AP3B2: variants seen among roughly 807,000 people sequenced by gnomAD.
AP3B2 encodes the protein AP-3 complex subunit beta-2.
A neutral mutation model predicts 126.9 loss-of-function variants in AP3B2; 50 were observed. The ratio of observed to expected loss-of-function variants is 0.39; its 90% CI spans 0.31 to 0.50. The LOEUF is 0.50. Among genes scored for constraint, AP3B2 ranks in the 20% least tolerant of loss-of-function variants. The pLI is 0.79. For missense variants in AP3B2, 1,177 were observed against 1,426.4 expected (o/e 0.83, Z 2.82); for synonymous variants, 541 against 565.0 (o/e 0.96, Z 0.60).
chr15:82,690,954 A>ACAGGCATGAGCCACGCTGGGATTC, intron 1 of AP3B2, among the ~76,000 whole-genome samples: 1 of 152,126 alleles, frequency 6.6e-6, no homozygotes, highest in African/African-American at 2.4e-5. Flanking sequence ...CGCTGGGATT[A>ACAGGCATGAGCCACGCTGGGATTC]CAGGCATGAG....
At chr15:82,689,571 C>T (rs1017072328) in intron 1 of AP3B2, 118 bp from the exon 2 acceptor site, 26 of 865,822 alleles carry the variant, frequency 3.0e-5, no homozygotes, top group African/African-American at 8.4e-5. Context: ...GGACCTGACC[C>T]GAGGAGGGAC....
Position 82,664,105 on chromosome 15 carries a change from C to G in AP3B2, c.2262-130G>C. The G allele has an allele frequency of 1.4e-6, 2 of 1,419,194 alleles. No individual in the cohort carries two copies. Among genetic ancestry groups the G allele is most frequent in the Non-Finnish European group, 1.9e-6 (2 of 1,078,290 alleles). 87.9% of individuals were successfully genotyped at this position (1,419,194 alleles called of 1,614,324 possible). On this transcript the variant is annotated intron_variant, in intron 19 of 26. Coordinates refer to ENST00000535359, the MANE Select transcript of AP3B2 (RefSeq NM_001278512.2). This position sits in a 1 kb window ranked among gnomAD's most constrained non-coding sequence, Gnocchi z 4.5. ...AGCCAGGAGGGTTCACACCTGAGGT[C>G]CTATAGCAGGGACCCCGTGAGAGCT...
chr15:82,707,683 G>A (rs1480066460), intron 1 of AP3B2, among the ~76,000 whole-genome samples: 2 of 152,146 alleles, frequency 1.3e-5, no homozygotes, highest in African/African-American at 2.4e-5. Context: ...TGGATGTCCT[G>A]GGTCCTCCCA....
rs768110413 is a variant in AP3B2, at chr15:82,659,971, C to T, written c.3029G>A (p.Gly1010Asp). The T allele has an allele frequency of 6.2e-7, 1 of 1,613,838 alleles. No homozygotes were observed. The highest frequency in any genetic ancestry group is 8.5e-7 in the Non-Finnish European group (1 of 1,179,840). The change falls in exon 26 of 27, where the codon GGC (glycine) becomes GAC (aspartate). Residue 1010 changes from glycine (G) to aspartate (D), a missense_variant. This residue lies in a region of AP3B2 where 587 missense variants were observed against 571.3 expected (regional missense o/e 1.03). Coordinates refer to ENST00000535359, the MANE Select transcript of AP3B2 (RefSeq NM_001278512.2). ...EFKKEQGKLMGMNEITEKLML... is the reference protein window; with the variant it reads ...EFKKEQGKLMDMNEITEKLML... ...GAGTTTCTCTGTGATCTCATTCATG[C>T]CCATCAGCTTTCCTGGGGGTAGAGG...
intron 14 of AP3B2, 119 bp downstream of exon 14, chr15:82,676,342 G>T: frequency 9.1e-7 from 1 of 1,095,330 alleles, no homozygotes; most frequent in Non-Finnish European, 1.3e-6. Flanking sequence ...CACCTTCCCT[G>T]ATTCTTCTTT....
Position 82,664,998 on chromosome 15 carries a change from G to C in AP3B2, c.2029-55C>G. 7.4e-7 allele frequency: 1 copy of C among 1,351,634 alleles called. No individual in the cohort carries two copies. Among genetic ancestry groups the C allele is most frequent in the African/African-American group, 1.4e-5 (1 of 69,312 alleles). 83.7% of individuals were successfully genotyped at this position (1,351,634 alleles called of 1,614,324 possible). ...TTCATCATGGTTGGGGAGAAGGCAG[G>C]CAGGCACAAGCCCTTACCCTTTATT... On this transcript the variant is annotated intron_variant, in intron 17 of 26. Transcript: ENST00000535359. This position sits in a 1 kb window ranked among gnomAD's most constrained non-coding sequence, Gnocchi z 4.5.
chr15:82,688,435 A>G (rs2048468477), intron 4 of AP3B2: 1 of 701,976 alleles, frequency 1.4e-6, no homozygotes, highest in Non-Finnish European at 2.6e-6. Context: ...CTCCATTGCT[A>G]GAGACTCTCC....
Position 82,664,111 on chromosome 15 carries a change from G to A in AP3B2, c.2262-136C>T. 1 of 1,403,314 alleles carries A rather than the reference G, an allele frequency of 7.1e-7. No homozygotes were observed. Among genetic ancestry groups the A allele is most frequent in the Non-Finnish European group, 9.4e-7 (1 of 1,064,404 alleles). The allele number at this position is 1,403,314 out of a possible 1,614,324, so 86.9% of individuals were successfully genotyped here. On this transcript the variant is annotated intron_variant, in intron 19 of 26. Transcript: ENST00000535359. The surrounding 1 kb of genome is among the most constrained non-coding windows in gnomAD (Gnocchi z 4.5). ...GAGGGTTCACACCTGAGGTCCTATA[G>A]CAGGGACCCCGTGAGAGCTTGAAGC...
At chr15:82,691,960 C>T (rs1391563778) in intron 1 of AP3B2, 4 of 1,423,808 alleles carry the variant, frequency 2.8e-6, no homozygotes, top group Non-Finnish European at 3.9e-6. Context: ...CACCGTCCTT[C>T]TGCACATCGG....
chr15:82,707,423 A>G (rs1792206089), intron 1 of AP3B2, among the ~76,000 whole-genome samples: 2 of 152,170 alleles, frequency 1.3e-5, no homozygotes, highest in South Asian at 4.1e-4. Flanking sequence ...CACCAGACCA[A>G]CTTGGACTGT....
In AP3B2 at chr15:82,681,499, G is replaced by A. The variant is rs759230363; in HGVS notation, c.442C>T (p.Leu148=). ...RVPIIVPIMM[L]AIKEAASDMS... is the part of the protein sequence containing the mutation. ...TCCGAGGCGGCTTCCTTGATAGCTA[G>A]CATCATGATGGGCACTATGATGGGC... Residue 148 remains leucine (L), a synonymous_variant, in exon 5 of 27, where the codon CTA becomes TTA. Transcript: ENST00000535359. This position sits in a 1 kb window ranked among gnomAD's most constrained non-coding sequence, Gnocchi z 4.0. 8.1e-6 allele frequency: 13 copies of A among 1,613,848 alleles called. No individual in the cohort carries two copies. The South Asian group carries it at 1.2e-4, about 15-fold the overall frequency.
chr15:82,688,392 C>T (rs1435854032), intron 4 of AP3B2: 5 of 701,862 alleles, frequency 7.1e-6, no homozygotes, highest in Non-Finnish European at 1.3e-5. Context: ...CAATTCACAC[C>T]TTTACACAAA....
intron 1 of AP3B2, among the ~76,000 whole-genome samples, chr15:82,707,787 C>A (rs960102331): frequency 9.9e-5 from 15 of 152,242 alleles, no homozygotes; most frequent in African/African-American, 3.6e-4. Flanking sequence ...CACCAATAAT[C>A]CTATACAACA....
rs867882597 is a variant in AP3B2, at chr15:82,700,768, T to C, written c.113+8826A>G. On this transcript the variant is annotated intron_variant, in intron 1 of 26. Transcript: ENST00000535359. ...GTCCCCATTCCCAGCCTTGCCCTTA[T>C]GGCTTCACCACCTGGTTCCCGAAAA... Among the ~76,000 whole-genome samples the C allele has an allele frequency of 2.6e-5, 4 of 152,270 alleles. No individual in the cohort carries two copies. The South Asian group carries it at 8.3e-4, about 32-fold the overall frequency.
In AP3B2 at chr15:82,680,181, C is replaced by T. The variant is rs753401017; in HGVS notation, c.1104G>A (p.Lys368=). 4 of 1,613,474 alleles carry T rather than the reference C, an allele frequency of 2.5e-6. No individual in the cohort carries two copies. In the Admixed American group the frequency reaches 5.0e-5, roughly 20 times the overall value. ...VLQNVATMSI[K]RRGMFEPYLK... Reference sequence around the variant, plus strand: ...CCCGCCGTCGCAGGCTCACCCGGCGCTTGATGGACATGGTGGCCACGTTCT... The same window carrying T: ...CCCGCCGTCGCAGGCTCACCCGGCGTTTGATGGACATGGTGGCCACGTTCT... Residue 368 remains lysine (K), a synonymous_variant, in exon 9 of 27, where the codon AAG becomes AAA. Transcript: ENST00000535359. This position sits in a 1 kb window ranked among gnomAD's most constrained non-coding sequence, Gnocchi z 6.1.
Position 82,709,635 on chromosome 15 carries a change from G to C in AP3B2, c.72C>G (p.His24Gln). 1 of 1,520,000 alleles carries C rather than the reference G, an allele frequency of 6.6e-7. No homozygotes were observed. The highest frequency in any genetic ancestry group is 2.7e-5 in the East Asian group (1 of 37,304). The allele number at this position is 1,520,000 out of a possible 1,614,324, so 94.2% of individuals were successfully genotyped here. Residue 24 changes from histidine (H) to glutamine (Q), a missense_variant, in exon 1 of 27, where the codon CAC becomes CAG. Coordinates refer to ENST00000535359, the MANE Select transcript of AP3B2 (RefSeq NM_001278512.2). ...AGAAGATGCCGCCGCTCGCGGGGTC[G>C]TGGCCGTACTCGGGCTCCCCGGGGC... ...SAGPGEPEYG[H>Q]DPASGGIFSS...
At chr15:82,696,975 C>CT (rs1385553414) in intron 1 of AP3B2, among the ~76,000 whole-genome samples, 1 of 152,192 alleles carries the variant, frequency 6.6e-6, no homozygotes, top group Non-Finnish European at 1.5e-5. Flanking sequence ...AGATGACACT[C>CT]TGATAACCCA....
rs777170994 is a variant in AP3B2 at position 82,661,942 on chromosome 15, A to T, written c.2919-20T>A. The T allele has an allele frequency of 6.2e-7, 1 of 1,603,778 alleles. No homozygotes were observed. Among genetic ancestry groups the T allele is most frequent in the East Asian group, 2.2e-5 (1 of 44,818 alleles). On this transcript the variant is annotated intron_variant, in intron 24 of 26. Transcript: ENST00000535359. ...TGGGTGCTGGGAGGGGTGGGAGGAA[A>T]CGGAGAAGAATTAAGGCTGTCATCT...
Position 82,689,388 on chromosome 15 carries a change from C to T in AP3B2, c.179G>A (p.Arg60Lys). Reference sequence around the variant, plus strand: ...TCCTTCCCCTCTTACCGCCACAATCCTCTTCATGGCCTCCAGCTTGAGAGA... The same window carrying T: ...TCCTTCCCCTCTTACCGCCACAATCTTCTTCATGGCCTCCAGCTTGAGAGA... The part of the protein sequence containing the change: ...KDSLKLEAMK[R>K]IVAMIARGKN... Residue 60 changes from arginine (R) to lysine (K), a missense_variant, in exon 2 of 27, where the codon AGG becomes AAG. Physicochemically the swap from Arg to Lys is conservative, Grantham distance 26. Coordinates refer to ENST00000535359, the MANE Select transcript of AP3B2 (RefSeq NM_001278512.2). 6.2e-7 allele frequency: 1 copy of T among 1,613,942 alleles called. No homozygotes were observed. Among genetic ancestry groups the T allele is most frequent in the Non-Finnish European group, 8.5e-7 (1 of 1,179,886 alleles).
Sources: allele counts gnomAD v4.1 joint callset (sites outside exome capture counted in the v4.1 genomes callset), GRCh38; gene constraint gnomAD v4.1.1; regional missense constraint gnomAD v4.1.1; non-coding constraint Gnocchi (gnomAD v3.1); transcripts MANE v1.5; gene names NCBI Gene and HGNC (gene_info 2026-07-23, HGNC 2026-07-21).